Variants in SHMT1 observed in about 807,000 individuals in gnomAD.
The protein encoded by SHMT1 is serine hydroxymethyltransferase, cytosolic.
SHMT1 carries 45 observed loss-of-function variants against 49.0 expected under a neutral mutation model. The ratio of observed to expected loss-of-function variants is 0.92; its 90% CI spans 0.72 to 1.18. The LOEUF is 1.18. Ranked by LOEUF, SHMT1 falls within the 50% of genes most tolerant of loss-of-function variation. SHMT1 has a pLI of 0.00. For missense variants in SHMT1, 541 were observed against 612.4 expected, an observed-to-expected ratio of 0.88 and a Z score of 1.23; for synonymous variants, 232 against 246.6, an observed-to-expected ratio of 0.94 and a Z score of 0.55.
At chr17:18,342,673 T>C (rs1447116123) in intron 5 of SHMT1, among the ~76,000 whole-genome samples, 1 of 151,402 alleles carries the variant, frequency 6.6e-6, no homozygotes, top group African/African-American at 2.4e-5. Context: ...TGGTGGCTTA[T>C]GCCTGCAGTT....
intron 1 of SHMT1, among the ~76,000 whole-genome samples, chr17:18,360,888 G>A (rs35498219): frequency 2.6e-5 from 4 of 152,128 alleles, no homozygotes; most frequent in Non-Finnish European, 4.4e-5. Flanking sequence ...AAAAAAAAGC[G>A]GTCAGGCGCG....
chr17:18,356,949 T>A (rs959089876), intron 1 of SHMT1, among the ~76,000 whole-genome samples: 5 of 151,960 alleles, frequency 3.3e-5, no homozygotes, highest in African/African-American at 1.2e-4. Context: ...TGCTACTTTT[T>A]AAAAAATCTC....
intron 7 of SHMT1, among the ~76,000 whole-genome samples, chr17:18,336,814 C>A (rs564395456): frequency 1.3e-5 from 2 of 152,024 alleles, no homozygotes; most frequent in Non-Finnish European, 1.5e-5. Flanking sequence ...GGCATGGTGG[C>A]GCATACCTGT....
chr17:18,329,187 G>T, intron 11 of SHMT1, 91 bp downstream of exon 11: 1 of 995,968 alleles, frequency 1.0e-6, no homozygotes, highest in South Asian at 1.4e-5. Flanking sequence ...GTGCAGAATT[G>T]TCTTTCAGTG....
In SHMT1 at chr17:18,355,959, G is replaced by GC; in HGVS notation, c.22dup (p.Ala8GlyfsTer6). The GC allele has an allele frequency of 6.2e-7, 1 of 1,613,878 alleles. No individual in the cohort carries two copies. The highest frequency in any genetic ancestry group is 1.3e-5 in the African/African-American group (1 of 75,028). On this transcript the variant is annotated frameshift_variant, in exon 2 of 12. Transcript: ENST00000316694. LOFTEE classifies it high-confidence loss of function. ...GGACCACAGGTCAGCATCCTTGTGG[G>GC]CCCCGTTGACTGGCATCGTCATTGC...
At chr17:18,329,788 C>T (rs2151561182) in intron 10 of SHMT1, among the ~76,000 whole-genome samples, 1 of 152,300 alleles carries the variant, frequency 6.6e-6, no homozygotes, top group African/African-American at 2.4e-5. Flanking sequence ...TGCTCCCTGG[C>T]AGGGTCAGGG....
chr17:18,362,284 A>T (rs1472868012), intron 1 of SHMT1, among the ~76,000 whole-genome samples: 1 of 152,034 alleles, frequency 6.6e-6, no homozygotes, highest in East Asian at 1.9e-4. Flanking sequence ...CAAGTAATAA[A>T]TTTACGTTAT....
chr17:18,362,677 G>A (rs1986880993), intron 1 of SHMT1, among the ~76,000 whole-genome samples: 1 of 152,160 alleles, frequency 6.6e-6, no homozygotes, highest in Non-Finnish European at 1.5e-5. Context: ...TATTCTCTGG[G>A]TAACTGCCCG....
At chr17:18,332,910 G>A (rs1427102240) in intron 9 of SHMT1, 1 of 529,674 alleles carries the variant, frequency 1.9e-6, no homozygotes, top group South Asian at 1.8e-5. Flanking sequence ...GCTGTTCTGA[G>A]GACAAGCAGT....
chr17:18,356,338 C>T (rs1047471650), intron 1 of SHMT1, among the ~76,000 whole-genome samples: 1 of 150,736 alleles, frequency 6.6e-6, no homozygotes, highest in Non-Finnish European at 1.5e-5. Context: ...CACCGCGCCC[C>T]ACCTATTTAT....
chr17:18,348,262 C>G (rs1032752134), intron 4 of SHMT1, 63 bp downstream of exon 4: 2 of 1,064,352 alleles, frequency 1.9e-6, no homozygotes, highest in African/African-American at 3.1e-5. Flanking sequence ...CTTCTTGGTG[C>G]ATGTCGGCCC....
chr17:18,343,999 C>T (rs1486326328), intron 5 of SHMT1, among the ~76,000 whole-genome samples: 10 of 151,482 alleles, frequency 6.6e-5, no homozygotes, highest in African/African-American at 1.2e-4. Flanking sequence ...AAAAACTGGG[C>T]TCTGGGATCT....
At chr17:18,344,577 G>GAAAAAA (rs10655994) in intron 5 of SHMT1, among the ~76,000 whole-genome samples, 5 of 65,376 alleles carry the variant, frequency 7.6e-5, no homozygotes, top group Admixed American at 2.1e-4. Context: ...ACAATTACCG[G>GAAAAAA]AAAAAAAAAA....
At chr17:18,330,852 G>C (rs779523205) in intron 9 of SHMT1, 181 bp from the exon 10 acceptor site, 20 of 660,412 alleles carry the variant, frequency 3.0e-5, no homozygotes, top group Non-Finnish European at 4.7e-5. Context: ...GAATGTGAAA[G>C]GAAGGACAGA....
intron 7 of SHMT1, among the ~76,000 whole-genome samples, chr17:18,339,557 CTT>C (rs1048051111): frequency 1.2e-4 from 18 of 151,370 alleles, no homozygotes; most frequent in Admixed American, 4.6e-4. Context: ...GGATTCCTTT[CTT>C]TCTTTCTTTT....
upstream of SHMT1, chr17:18,363,550 T>TGGCCCC (rs1487828404): frequency 7.9e-5 from 12 of 152,270 alleles, no homozygotes; most frequent in African/African-American, 2.2e-4. Context: ...GGCTTGGGCT[T>TGGCCCC]GGCCCCGCCC....
At chr17:18,360,201 A>T (rs1986630505) in intron 1 of SHMT1, among the ~76,000 whole-genome samples, 1 of 152,072 alleles carries the variant, frequency 6.6e-6, no homozygotes, top group Non-Finnish European at 1.5e-5. Flanking sequence ...GTGAGCCGAG[A>T]TCATACCATT....
At chr17:18,333,662 G>T (rs975153857) in intron 8 of SHMT1, among the ~76,000 whole-genome samples, 2 of 151,928 alleles carry the variant, frequency 1.3e-5, no homozygotes, top group Admixed American at 6.6e-5. Flanking sequence ...TAGAGACAGG[G>T]TTTCACTATA....
At position 18,340,601 on chromosome 17, in the gene SHMT1, C is replaced by A; in HGVS notation, c.601+131G>T. ...CCTGAAAGAAACTAATATATGTAGACCCCAGAAACTCAGTTATCCAGGGCA... is the reference window on the plus strand; with the variant it reads ...CCTGAAAGAAACTAATATATGTAGAACCCAGAAACTCAGTTATCCAGGGCA... On this transcript the variant is annotated intron_variant, in intron 6 of 11. Coordinates refer to ENST00000316694, the MANE Select transcript of SHMT1 (RefSeq NM_004169.5). The surrounding 1 kb of genome is among the most constrained non-coding windows in gnomAD (Gnocchi z 4.5). 1.3e-6 allele frequency: 1 copy of A among 796,408 alleles called. No individual in the cohort carries two copies. The highest frequency in any genetic ancestry group is 2.2e-6 in the Non-Finnish European group (1 of 463,292). The allele number at this position is 796,408 out of a possible 1,614,324, so 49.3% of individuals were successfully genotyped here. A position where few individuals can be genotyped will look rare whatever the true frequency, so the allele number is the denominator to read the frequency against.
Sources: gnomAD v4.1 joint callset for allele counts (sites outside exome capture counted in the v4.1 genomes callset) on GRCh38, gnomAD v4.1.1 for gene constraint, Gnocchi (gnomAD v3.1) non-coding constraint, MANE v1.5 for transcripts, NCBI Gene and HGNC (gene_info 2026-07-23, HGNC 2026-07-21) for gene names.